Variants in CTNNA2 observed in about 807,000 individuals in gnomAD.
CTNNA2 encodes the protein catenin alpha 2, also known as catenin alpha-2.
Under a neutral mutation model 101.0 loss-of-function variants are expected in CTNNA2, and 42 were observed. The ratio of observed to expected loss-of-function variants is 0.42; its 90% CI spans 0.32 to 0.54. The LOEUF is 0.54. Among genes scored for constraint, CTNNA2 ranks in the 20% least tolerant of loss-of-function variants. The pLI is 0.14. For synonymous variants in CTNNA2, 450 were observed against 456.4 expected (o/e 0.99, Z 0.18); for missense variants, 871 against 1,223.1 (o/e 0.71, Z 4.29).
At chr2:80,511,182 A>G (rs549854126) in intron 9 of CTNNA2, among the ~76,000 whole-genome samples, 1 of 152,328 alleles carries the variant, frequency 6.6e-6, no homozygotes, top group African/African-American at 2.4e-5. Flanking sequence ...CTATATGTGA[A>G]TCCTCAGTAT....
At chr2:80,572,941 C>A (rs1305148457) in intron 12 of CTNNA2, 1 of 152,124 alleles carries the variant, frequency 6.6e-6, no homozygotes, top group Non-Finnish European at 1.5e-5. Context: ...TCTGTCTTTT[C>A]CTGGTAGAAA....
At chr2:80,236,243 G>A (rs1407622611) in intron 7 of CTNNA2, among the ~76,000 whole-genome samples, 1 of 152,094 alleles carries the variant, frequency 6.6e-6, no homozygotes, top group African/African-American at 2.4e-5. Context: ...CCATGTCTGT[G>A]CTATTGTGAA....
chr2:79,948,317 A>C (rs2104481865), intron 7 of CTNNA2, among the ~76,000 whole-genome samples: 1 of 152,294 alleles, frequency 6.6e-6, no homozygotes, highest in Middle Eastern at 3.4e-3. Flanking sequence ...TAAATCATGA[A>C]ATTAAAATGT....
At position 80,303,564 on chromosome 2, in the gene CTNNA2, T is replaced by A. The variant is rs1331210265; in HGVS notation, c.1057-89647T>A. On this transcript the variant is annotated intron_variant, in intron 7 of 18. Coordinates refer to ENST00000402739, the MANE Select transcript of CTNNA2 (RefSeq NM_001282597.3). This position sits in a 1 kb window ranked among gnomAD's most constrained non-coding sequence, Gnocchi z 7.7. ...AGCCACGTGAGCTGCATTAACCCCG[T>A]GAACTGGCCGGCGCGCAGCTCCGAG... The A allele has an allele frequency of 6.2e-7, 1 of 1,614,212 alleles. No individual in the cohort carries two copies.
At position 79,775,490 on chromosome 2, in the gene CTNNA2, G is replaced by A. The variant is rs117482503; in HGVS notation, c.298+30908G>A. ...TTTTAAAATGTATTTTAAGTTCAGG[G>A]GTACATGTGCAGGAGGTGCAGGTTT... On this transcript the variant is annotated intron_variant, in intron 3 of 18. Transcript: ENST00000402739. Among the ~76,000 whole-genome samples, 2,068 of 152,210 alleles carry A rather than the reference G, an allele frequency of 0.014. 124 individuals are homozygous for A. In the East Asian group the frequency reaches 0.17, roughly 12 times the overall value.
At chr2:79,900,664 T>C (rs1275054428) in intron 6 of CTNNA2, among the ~76,000 whole-genome samples, 3 of 152,166 alleles carry the variant, frequency 2.0e-5, no homozygotes, top group Non-Finnish European at 4.4e-5. Flanking sequence ...GGAAGGAAGC[T>C]CTGTGGTATC....
At chr2:80,102,885 G>T (rs1240963012) in intron 7 of CTNNA2, among the ~76,000 whole-genome samples, 1 of 152,150 alleles carries the variant, frequency 6.6e-6, no homozygotes, top group Non-Finnish European at 1.5e-5. Context: ...CGTGACGTAG[G>T]CCCTTCCACA....
At chr2:79,865,141 T>C (rs1443451782) in intron 4 of CTNNA2, among the ~76,000 whole-genome samples, 1 of 152,170 alleles carries the variant, frequency 6.6e-6, no homozygotes, top group Non-Finnish European at 1.5e-5. Context: ...GACACTAGCA[T>C]GTAATCATTC....
chr2:79,331,918 T>C (rs1676882379), intron 3 of CTNNA2, among the ~76,000 whole-genome samples: 1 of 152,204 alleles, frequency 6.6e-6, no homozygotes, highest in Admixed American at 6.5e-5. Context: ...GATGTACTAG[T>C]TATGCTGAGA....
At chr2:80,354,407 G>A (rs977209320) in intron 7 of CTNNA2, among the ~76,000 whole-genome samples, 1 of 152,096 alleles carries the variant, frequency 6.6e-6, no homozygotes, top group African/African-American at 2.4e-5. Context: ...TCACCCACTA[G>A]AAGCACAACT....
chr2:79,650,512 C>A (rs1194200873), intron 1 of CTNNA2, among the ~76,000 whole-genome samples: 1 of 151,688 alleles, frequency 6.6e-6, no homozygotes, highest in African/African-American at 2.4e-5. Flanking sequence ...GTTCCTACAT[C>A]TAGTAATCAT....
At chr2:79,681,211 T>C (rs555008523) in intron 2 of CTNNA2, among the ~76,000 whole-genome samples, 2 of 152,242 alleles carry the variant, frequency 1.3e-5, no homozygotes, top group South Asian at 4.1e-4. Context: ...CTTTAACACT[T>C]TTCTACTAAT....
chr2:80,021,267 G>A (rs1027989315), intron 7 of CTNNA2, among the ~76,000 whole-genome samples: 6 of 151,798 alleles, frequency 4.0e-5, no homozygotes, highest in Admixed American at 6.6e-5. Flanking sequence ...CAATCCTCCC[G>A]CCTCAGCCTC....
intron 7 of CTNNA2, among the ~76,000 whole-genome samples, chr2:80,157,993 A>G (rs1240679995): frequency 6.6e-6 from 1 of 152,200 alleles, no homozygotes; most frequent in Non-Finnish European, 1.5e-5. Context: ...TTTGTATACT[A>G]TATAGCTTGC....
At chr2:79,619,927 C>A (rs1280572477) in intron 1 of CTNNA2, among the ~76,000 whole-genome samples, 1 of 152,096 alleles carries the variant, frequency 6.6e-6, no homozygotes, top group Admixed American at 6.5e-5. Flanking sequence ...ACTTGATTTT[C>A]AGATTTTCGT....
intron 7 of CTNNA2, among the ~76,000 whole-genome samples, chr2:80,190,303 G>A (rs1227189297): frequency 6.6e-6 from 1 of 152,044 alleles, no homozygotes; most frequent in Admixed American, 6.5e-5. Context: ...TGCAGAAGTG[G>A]TCCAGTGGTG....
chr2:80,499,849 T>C (rs1277956040), intron 9 of CTNNA2, among the ~76,000 whole-genome samples: 3 of 151,436 alleles, frequency 2.0e-5, no homozygotes, highest in Admixed American at 6.6e-5. Context: ...ATTAGCAAAA[T>C]GTTGATATTG....
rs750920574 is a variant in CTNNA2, at chr2:80,303,659, G to C, written c.1057-89552G>C. ...GTGGGGCGCCTCGGTGAGGTTGAGC[G>C]CCTCGCAGTACAGCAGCCGCCCCTC... On this transcript the variant is annotated intron_variant, in intron 7 of 18. Coordinates refer to ENST00000402739, the MANE Select transcript of CTNNA2 (RefSeq NM_001282597.3). The surrounding 1 kb of genome is among the most constrained non-coding windows in gnomAD (Gnocchi z 7.7). 6.8e-6 allele frequency: 11 copies of C among 1,612,768 alleles called. No individual in the cohort carries two copies. The highest frequency in any genetic ancestry group is 9.3e-6 in the Non-Finnish European group (11 of 1,179,398).
intron 2 of CTNNA2, among the ~76,000 whole-genome samples, chr2:79,675,480 TTA>T (rs572676965): frequency 1.3e-5 from 2 of 152,310 alleles, no homozygotes; most frequent in African/African-American, 4.8e-5. Flanking sequence ...GGCTTGGGAA[TTA>T]TATGGCTGCT....
Sources: allele counts gnomAD v4.1 joint callset (sites outside exome capture counted in the v4.1 genomes callset), GRCh38; gene constraint gnomAD v4.1.1; non-coding constraint Gnocchi (gnomAD v3.1); transcripts MANE v1.5; gene names NCBI Gene and HGNC (gene_info 2026-07-23, HGNC 2026-07-21).